The following ATP10A variants were observed in gnomAD, a reference collection of about 807,000 sequenced individuals.
ATP10A encodes the protein ATPase phospholipid transporting 10A (putative).
A neutral mutation model predicts 147.8 loss-of-function variants in ATP10A; 111 were observed. That is an observed-to-expected ratio of 0.75 (90% CI 0.64 to 0.88). ATP10A has a LOEUF of 0.88. ATP10A is among the 40% of genes least tolerant of loss of function. ATP10A has a pLI of 0.00. For synonymous variants in ATP10A, 875 were observed against 841.6 expected, an observed-to-expected ratio of 1.04 and a Z score of -0.69; for missense variants, 1,927 against 1,959.0, an observed-to-expected ratio of 0.98 and a Z score of 0.31.
intron 1 of ATP10A, among the ~76,000 whole-genome samples, chr15:25,800,535 G>A (rs897214571): frequency 1.3e-5 from 2 of 152,108 alleles, no homozygotes; most frequent in South Asian, 2.1e-4. Flanking sequence ...TTCACTCCAC[G>A]CGTGCCTGCT....
chr15:25,786,105 A>G (rs1890145392), intron 1 of ATP10A, among the ~76,000 whole-genome samples: 2 of 152,258 alleles, frequency 1.3e-5, no homozygotes, highest in South Asian at 4.1e-4. Flanking sequence ...GGCTGAGCAC[A>G]GGCCATGCAG....
intron 10 of ATP10A, among the ~76,000 whole-genome samples, chr15:25,713,261 G>A (rs979218578): frequency 6.6e-6 from 1 of 152,198 alleles, no homozygotes; most frequent in African/African-American, 2.4e-5. Flanking sequence ...GGGGAGGCCA[G>A]CATCCCTTAC....
At chr15:25,738,841 T>C (rs1887428774) in intron 2 of ATP10A, among the ~76,000 whole-genome samples, 1 of 152,164 alleles carries the variant, frequency 6.6e-6, no homozygotes, top group African/African-American at 2.4e-5. Flanking sequence ...CAGGCAACCC[T>C]GCTAGAAAGT....
intron 10 of ATP10A, chr15:25,709,806 C>T (rs139003549): frequency 0.012 from 1,811 of 152,646 alleles, 17 homozygotes; most frequent in Non-Finnish European, 0.018. Context: ...TGACTTTTCC[C>T]TTACATGTCC....
chr15:25,712,955 C>T (rs1215368045), intron 10 of ATP10A, among the ~76,000 whole-genome samples: 4 of 152,188 alleles, frequency 2.6e-5, no homozygotes, highest in Admixed American at 2.6e-4. Context: ...AGGTAAAGTA[C>T]TCCCTAGCTC....
chr15:25,735,798 C>T (rs560264984), intron 3 of ATP10A, among the ~76,000 whole-genome samples: 3 of 152,218 alleles, frequency 2.0e-5, no homozygotes, highest in South Asian at 2.1e-4. Context: ...GGCCTGCTAG[C>T]GGGAGGAAAA....
intron 1 of ATP10A, among the ~76,000 whole-genome samples, chr15:25,843,595 A>G (rs759388257): frequency 2.0e-5 from 3 of 152,148 alleles, no homozygotes; most frequent in Non-Finnish European, 4.4e-5. Flanking sequence ...TTAGACACCT[A>G]TGAGTGAATA....
chr15:25,722,182 A>C (rs1244897222), intron 6 of ATP10A, among the ~76,000 whole-genome samples: 1 of 152,192 alleles, frequency 6.6e-6, no homozygotes, highest in Non-Finnish European at 1.5e-5. Flanking sequence ...CTTGGATAGA[A>C]GCAAGCAAGT....
At chr15:25,729,581 T>A (rs1460934951) in intron 3 of ATP10A, among the ~76,000 whole-genome samples, 1 of 152,128 alleles carries the variant, frequency 6.6e-6, no homozygotes. Flanking sequence ...GACTCCTCAT[T>A]GCTCCAGCTT....
intron 12 of ATP10A, among the ~76,000 whole-genome samples, chr15:25,705,216 G>A (rs1216578617): frequency 6.6e-6 from 1 of 152,050 alleles, no homozygotes; most frequent in Non-Finnish European, 1.5e-5. Context: ...TGAGGCAGGA[G>A]GATCACGTTA....
intron 2 of ATP10A, among the ~76,000 whole-genome samples, chr15:25,745,921 A>G (rs553510686): frequency 1.3e-5 from 2 of 152,204 alleles, no homozygotes; most frequent in Non-Finnish European, 2.9e-5. Flanking sequence ...AAAGCATGGT[A>G]AACTCAATGA....
chr15:25,861,607 A>C lies in ATP10A; in HGVS notation c.449+1041T>G, dbSNP rs1040695907. On this transcript the variant is annotated intron_variant, in intron 1 of 20. Transcript: ENST00000555815. ...ACTCTGACCCTCCTCTTTTAGGGGA[A>C]CAATCTGCCACTAAGAGAGCATAGG... Among the ~76,000 whole-genome samples the C allele has an allele frequency of 4.3e-4, 65 of 152,208 alleles. 4 individuals carry two copies. Among genetic ancestry groups the C allele is most frequent in the Non-Finnish European group, 1.5e-5 (1 of 68,044 alleles).
chr15:25,774,092 A>C (rs1889483997), intron 2 of ATP10A, among the ~76,000 whole-genome samples: 1 of 152,110 alleles, frequency 6.6e-6, no homozygotes, highest in African/African-American at 2.4e-5. Flanking sequence ...AGCATTTCAC[A>C]TTGTACGCTA....
intron 1 of ATP10A, among the ~76,000 whole-genome samples, chr15:25,798,800 G>A (rs1457900970): frequency 2.0e-5 from 3 of 152,184 alleles, no homozygotes; most frequent in African/African-American, 7.2e-5. Context: ...TTCTGTTGGA[G>A]CTGCCTGACA....
At chr15:25,678,411 T>G (rs1220420058), downstream of ATP10A, 1 of 152,130 alleles carries the variant, frequency 6.6e-6, no homozygotes, top group Non-Finnish European at 1.5e-5. Flanking sequence ...GAAGATGACA[T>G]GCCATATCAT....
At chr15:25,840,785 T>C (rs1010424832) in intron 1 of ATP10A, among the ~76,000 whole-genome samples, 2 of 152,164 alleles carry the variant, frequency 1.3e-5, no homozygotes, top group Non-Finnish European at 2.9e-5. Flanking sequence ...AGAGATCCCA[T>C]TTCTCACACC....
intron 1 of ATP10A, among the ~76,000 whole-genome samples, chr15:25,805,659 A>C (rs949150660): frequency 2.6e-5 from 4 of 152,212 alleles, no homozygotes; most frequent in Admixed American, 6.5e-5. Flanking sequence ...CATGGGAAGA[A>C]CATGAAGAAA....
chr15:25,779,218 C>T (rs982130478), intron 2 of ATP10A, among the ~76,000 whole-genome samples: 6 of 152,182 alleles, frequency 3.9e-5, no homozygotes, highest in Non-Finnish European at 5.9e-5. Context: ...GATCTATCTG[C>T]GGCGTTCCCC....
intron 10 of ATP10A, among the ~76,000 whole-genome samples, chr15:25,713,259 C>T (rs1212615898): frequency 6.6e-6 from 1 of 152,182 alleles, no homozygotes; most frequent in Admixed American, 6.5e-5. Context: ...TGGGGGAGGC[C>T]AGCATCCCTT....
Sources: allele counts gnomAD v4.1 joint callset (sites outside exome capture counted in the v4.1 genomes callset), GRCh38; gene constraint gnomAD v4.1.1; transcripts MANE v1.5; gene names NCBI Gene and HGNC (gene_info 2026-07-23, HGNC 2026-07-21).